DLC1: variants seen among roughly 807,000 people sequenced by gnomAD.
DLC1 encodes DLC1 Rho GTPase activating protein.
In DLC1, 54 loss-of-function variants were observed where a neutral mutation model predicts 140.3. The observed-to-expected ratio is 0.38, with a 90% CI of 0.31 to 0.48. DLC1 has a LOEUF of 0.48. DLC1 is among the 20% of genes least tolerant of loss of function. DLC1 has a pLI of 0.96. For missense variants in DLC1, 2,536 were observed against 1,907.0 expected (o/e 1.33, Z -6.14); for synonymous variants, 986 against 728.1 (o/e 1.35, Z -5.70).
At position 13,131,963 on chromosome 8, in the gene DLC1, G is replaced by C. The variant is rs184543251; in HGVS notation, c.1349-16306C>G. Among the ~76,000 whole-genome samples, 7 of 152,350 alleles carry C rather than the reference G, an allele frequency of 4.6e-5. No homozygotes were observed. In the East Asian group the frequency reaches 1.4e-3, roughly 29 times the overall value. On this transcript the variant is annotated intron_variant, in intron 5 of 17. Transcript: ENST00000276297. Reference sequence around the variant, plus strand: ...AGAGAGGAGGGGTGCACCTCCTTCGGAGGGATCAAAGGCTCGCCCCAGGAC... The same window carrying C: ...AGAGAGGAGGGGTGCACCTCCTTCGCAGGGATCAAAGGCTCGCCCCAGGAC...
At chr8:13,498,729 G>T in intron 2 of DLC1, 1 of 216,270 alleles carries the variant, frequency 4.6e-6, no homozygotes, top group Non-Finnish European at 9.1e-6. Context: ...AGAATGCCTT[G>T]AATTGCATGT....
At chr8:13,486,695 T>G (rs1185490505) in intron 2 of DLC1, among the ~76,000 whole-genome samples, 1 of 150,224 alleles carries the variant, frequency 6.7e-6, no homozygotes, top group Non-Finnish European at 1.5e-5. Flanking sequence ...AAATTCTGGG[T>G]GTTTCATCCA....
chr8:13,277,692 CT>C (rs576306581), intron 5 of DLC1, among the ~76,000 whole-genome samples: 4 of 151,372 alleles, frequency 2.6e-5, no homozygotes, highest in Non-Finnish European at 4.4e-5. Context: ...TATTAATCCT[CT>C]TTTTTTTTCT....
At chr8:13,342,139 A>G (rs1834089491) in intron 4 of DLC1, 1 of 152,254 alleles carries the variant, frequency 6.6e-6, no homozygotes, top group African/African-American at 2.4e-5. Flanking sequence ...ATGAGGTATC[A>G]TGAAATTAAA....
intron 2 of DLC1, among the ~76,000 whole-genome samples, chr8:13,444,252 A>T (rs964773166): frequency 6.6e-6 from 1 of 152,162 alleles, no homozygotes; most frequent in Admixed American, 6.5e-5. Flanking sequence ...TTGAACAATG[A>T]GAACACTTGG....
At chr8:13,193,479 A>G (rs1007325457) in intron 5 of DLC1, among the ~76,000 whole-genome samples, 1 of 152,178 alleles carries the variant, frequency 6.6e-6, no homozygotes, top group Non-Finnish European at 1.5e-5. Context: ...TGTACTAAGT[A>G]CAGATATAAA....
chr8:13,107,072 C>T (rs2128943497), intron 7 of DLC1, among the ~76,000 whole-genome samples: 3 of 152,318 alleles, frequency 2.0e-5, no homozygotes, highest in African/African-American at 7.2e-5. Context: ...CTAGCAAGAT[C>T]AGGCCAAAGC....
chr8:13,148,180 A>G (rs1324504309), intron 5 of DLC1, among the ~76,000 whole-genome samples: 1 of 152,008 alleles, frequency 6.6e-6, no homozygotes, highest in Admixed American at 6.6e-5. Context: ...AACTTGTTAC[A>G]TAGGTAAACT....
chr8:13,553,445 A>G (rs2117362700), intron 1 of DLC1, among the ~76,000 whole-genome samples: 1 of 151,344 alleles, frequency 6.6e-6, no homozygotes, highest in East Asian at 1.9e-4. Flanking sequence ...TTCTTATATT[A>G]ACACAATCCT....
chr8:13,213,559 C>T (rs1248861144), intron 5 of DLC1, among the ~76,000 whole-genome samples: 4 of 152,056 alleles, frequency 2.6e-5, no homozygotes, highest in East Asian at 1.9e-4. Flanking sequence ...TGGCTTTTTG[C>T]GTGAATTAAA....
intron 4 of DLC1, among the ~76,000 whole-genome samples, chr8:13,386,847 A>T (rs551017289): frequency 6.6e-6 from 1 of 152,064 alleles, no homozygotes; most frequent in East Asian, 1.9e-4. Flanking sequence ...AAAAGCTATA[A>T]ATTTTGCCTA....
chr8:13,129,754 T>A (rs1188879961), intron 5 of DLC1, among the ~76,000 whole-genome samples: 1 of 152,220 alleles, frequency 6.6e-6, no homozygotes, highest in African/African-American at 2.4e-5. Context: ...CAGGTTTTGC[T>A]ATGATGTTGT....
At position 13,351,773 on chromosome 8, in the gene DLC1, C is replaced by T. The variant is rs544629656; in HGVS notation, c.1314+41780G>A. ...GTCCTGATTAAGAAAAATAATAATT[C>T]CCTGGATGTCTATGTTCTGACACAC... On this transcript the variant is annotated intron_variant, in intron 4 of 17. Transcript: ENST00000276297. Among the ~76,000 whole-genome samples, 646 of 152,286 alleles carry T rather than the reference C, an allele frequency of 4.2e-3. 3 individuals carry two copies. Among genetic ancestry groups the T allele is most frequent in the Middle Eastern group, 0.024 (7 of 294 alleles).
chr8:13,415,451 GT>G (rs1373988336), intron 2 of DLC1, among the ~76,000 whole-genome samples: 2 of 149,982 alleles, frequency 1.3e-5, no homozygotes, highest in Admixed American at 6.7e-5. Context: ...CCAGGCTGGA[GT>G]GTAGTAGCGC....
At chr8:13,485,069 G>A (rs2117136231) in intron 2 of DLC1, among the ~76,000 whole-genome samples, 1 of 152,256 alleles carries the variant, frequency 6.6e-6, no homozygotes, top group South Asian at 2.1e-4. Flanking sequence ...CCCTAGACAA[G>A]GTTATGATTC....
chr8:13,360,969 G>C (rs1281486116), intron 4 of DLC1, among the ~76,000 whole-genome samples: 3 of 151,556 alleles, frequency 2.0e-5, no homozygotes, highest in Admixed American at 1.3e-4. Context: ...AGCGGCTCAT[G>C]CCTGCGATCT....
chr8:13,378,606 A>G (rs1836104792), intron 4 of DLC1, among the ~76,000 whole-genome samples: 1 of 152,156 alleles, frequency 6.6e-6, no homozygotes, highest in Non-Finnish European at 1.5e-5. Flanking sequence ...ACCTTTCAAA[A>G]CCATGTATTT....
At chr8:13,355,562 C>A (rs771112514) in intron 4 of DLC1, among the ~76,000 whole-genome samples, 5 of 152,134 alleles carry the variant, frequency 3.3e-5, no homozygotes, top group Non-Finnish European at 7.4e-5. Context: ...GGACAAGAAT[C>A]CTATCAGATC....
chr8:13,559,083 G>T (rs558281307), intron 1 of DLC1: 1 of 152,356 alleles, frequency 6.6e-6, no homozygotes, highest in South Asian at 2.1e-4. Flanking sequence ...GCCTCTGCTA[G>T]CCAGAACAAA....
Sources: allele counts gnomAD v4.1 joint callset (sites outside exome capture counted in the v4.1 genomes callset), GRCh38; gene constraint gnomAD v4.1.1; transcripts MANE v1.5; gene names NCBI Gene and HGNC (gene_info 2026-07-23, HGNC 2026-07-21).